Variants in COL27A1 observed in about 807,000 individuals in gnomAD.
COL27A1 encodes collagen type XXVII alpha 1 chain, also known as collagen alpha-1(XXVII) chain.
COL27A1 carries 106 observed loss-of-function variants against 251.3 expected under a neutral mutation model. The observed-to-expected ratio is 0.42, with a 90% confidence interval of 0.36 to 0.50. The LOEUF (loss-of-function observed/expected upper bound fraction) is 0.50, where lower values mean the gene tolerates loss of function less well. Among genes scored for constraint, COL27A1 ranks in the 20% least tolerant of loss-of-function variants. COL27A1 has a pLI of 0.00. For missense variants in COL27A1, 2,325 were observed against 2,522.8 expected (o/e 0.92, Z 1.68); for synonymous variants, 1,000 against 986.3 (o/e 1.01, Z -0.26).
intron 40 of COL27A1, among the ~76,000 whole-genome samples, chr9:114,284,048 C>T (rs1371404708): frequency 1.3e-5 from 2 of 152,178 alleles, no homozygotes; most frequent in African/African-American, 4.8e-5. Flanking sequence ...GCCTTGTCTG[C>T]TGTCTGGGGA....
chr9:114,275,988 T>C (rs1835479040), intron 37 of COL27A1, among the ~76,000 whole-genome samples: 1 of 152,214 alleles, frequency 6.6e-6, no homozygotes, highest in Non-Finnish European at 1.5e-5. Flanking sequence ...TGCCCTGCCC[T>C]GTGCAAACCT....
intron 1 of COL27A1, among the ~76,000 whole-genome samples, chr9:114,159,850 T>C (rs1293630169): frequency 4.6e-5 from 7 of 152,232 alleles, no homozygotes; most frequent in Non-Finnish European, 1.0e-4. Context: ...TTTGTGTAAT[T>C]AAACAAAGCT....
At position 114,240,383 on chromosome 9, in the gene COL27A1, G is replaced by A. The variant is rs560830297; in HGVS notation, c.2782-51G>A. The stretch of plus-strand genomic sequence containing the variant: ...AGGGGTTGCCTTGCCAGCCTGCGAT[G>A]GAGATGGAGGTACCGCCTCTGAGAC... On this transcript the variant is annotated intron_variant, in intron 20 of 60. Transcript: ENST00000356083. The A allele has an allele frequency of 2.5e-6, 4 of 1,602,028 alleles. No homozygotes were observed. In the African/African-American group the frequency reaches 5.3e-5, roughly 21 times the overall value.
chr9:114,171,402 G>C (rs1030224146), intron 3 of COL27A1, among the ~76,000 whole-genome samples: 1 of 152,116 alleles, frequency 6.6e-6, no homozygotes, highest in African/African-American at 2.4e-5. Context: ...GGGACTGGGG[G>C]CTTCAGACAG....
chr9:114,264,264 GC>G, intron 28 of COL27A1, 90 bp from the exon 29 acceptor site: 4 of 990,890 alleles, frequency 4.0e-6, no homozygotes, highest in Non-Finnish European at 2.9e-6. Context: ...GCAGGGGAAG[GC>G]CCCAGGCTTG....
At chr9:114,306,733 A>C (rs1418926088) in intron 58 of COL27A1, 45 bp downstream of exon 58, 2 of 1,597,400 alleles carry the variant, frequency 1.3e-6, no homozygotes, top group Non-Finnish European at 1.7e-6. Context: ...GGCGGTGGGG[A>C]GCTGGGGCAG....
At chr9:114,240,794 T>C (rs1272864068) in intron 21 of COL27A1, among the ~76,000 whole-genome samples, 1 of 152,096 alleles carries the variant, frequency 6.6e-6, no homozygotes, top group Non-Finnish European at 1.5e-5. Flanking sequence ...GTGGTAGCAG[T>C]TTATCAGGGC....
intron 27 of COL27A1, among the ~76,000 whole-genome samples, chr9:114,255,413 G>A (rs1056145643): frequency 7.2e-5 from 11 of 152,162 alleles, no homozygotes; most frequent in South Asian, 2.1e-4. Context: ...TTCTATCCCT[G>A]GCACCCCTGC....
chr9:114,264,977 G>A lies in COL27A1; in HGVS notation c.3294+9G>A. 1 of 1,612,994 alleles carries A rather than the reference G, an allele frequency of 6.2e-7. No individual in the cohort carries two copies. On this transcript the variant is annotated intron_variant, in intron 30 of 60. Transcript: ENST00000356083. ...GCCGGCCTGGACAGCAGGTATGTCA[G>A]GCCAAGGCCAAGCAGGCCAGCTGCA...
rs1323994865 is a variant in COL27A1, at chr9:114,280,993, C to T, written c.3718-1284C>T. 2.0e-5 allele frequency among the ~76,000 whole-genome samples: 3 copies of T among 152,174 alleles called. No individual in the cohort carries two copies. In the East Asian group the frequency reaches 5.8e-4, roughly 29 times the overall value. ...GTCCTCTGGGTTGGTCCAGATGTTT[C>T]CTTGTTCCTCTAGGACCTCCTCTTC... is the stretch of plus-strand genomic sequence containing the variant. On this transcript the variant is annotated intron_variant, in intron 37 of 60. Coordinates refer to ENST00000356083, the MANE Select transcript of COL27A1 (RefSeq NM_032888.4).
At position 114,238,798 on chromosome 9, in the gene COL27A1, T is replaced by G. The variant is rs1689938310; in HGVS notation, c.2727+1083T>G. ...TGCTCCCTCACATTTATTAGGCACC[T>G]CCTGGTGCCAGGAGGCTGTGCAGTG... On this transcript the variant is annotated intron_variant, in intron 19 of 60. Transcript: ENST00000356083. Among the ~76,000 whole-genome samples the G allele has an allele frequency of 8.5e-5, 13 of 152,248 alleles. No homozygotes were observed. In the South Asian group the frequency reaches 2.7e-3, roughly 32 times the overall value.
chr9:114,203,352 C>T (rs896555846), intron 7 of COL27A1, among the ~76,000 whole-genome samples: 3 of 152,196 alleles, frequency 2.0e-5, no homozygotes, highest in Non-Finnish European at 2.9e-5. Context: ...GCTTTACACA[C>T]TTTCTATCCT....
At chr9:114,198,604 C>T (rs1201617162) in intron 7 of COL27A1, among the ~76,000 whole-genome samples, 1 of 152,196 alleles carries the variant, frequency 6.6e-6, no homozygotes, top group Non-Finnish European at 1.5e-5. Context: ...GATTCGAACC[C>T]AGGTCTTCTG....
At chr9:114,164,127 T>C (rs1012922461) in intron 2 of COL27A1, among the ~76,000 whole-genome samples, 2 of 152,194 alleles carry the variant, frequency 1.3e-5, no homozygotes, top group Admixed American at 6.5e-5. Context: ...TGTGCCTTTT[T>C]TAAGCTGCAA....
intron 3 of COL27A1, among the ~76,000 whole-genome samples, chr9:114,173,182 C>A (rs1316113524): frequency 6.7e-6 from 1 of 149,840 alleles, no homozygotes; most frequent in Non-Finnish European, 1.5e-5. Context: ...CACAGCCCTG[C>A]ACAGAAGCTG....
At chr9:114,175,389 G>A (rs1263390023) in intron 3 of COL27A1, among the ~76,000 whole-genome samples, 2 of 152,266 alleles carry the variant, frequency 1.3e-5, no homozygotes, top group African/African-American at 4.8e-5. Context: ...TTCCACTGCG[G>A]AGAGAACAGG....
chr9:114,252,199 A>T (rs538651306), intron 25 of COL27A1, among the ~76,000 whole-genome samples: 2 of 152,314 alleles, frequency 1.3e-5, no homozygotes, highest in Admixed American at 1.3e-4. Context: ...GGAGAGTGAA[A>T]GACATGCCTT....
chr9:114,162,912 G>T, intron 2 of COL27A1, 127 bp downstream of exon 2: 1 of 658,044 alleles, frequency 1.5e-6, no homozygotes, highest in South Asian at 1.9e-5. Flanking sequence ...TCAGTAGAAT[G>T]GAGATGATAA....
At chr9:114,214,041 CT>C (rs1391873322) in intron 12 of COL27A1, among the ~76,000 whole-genome samples, 1 of 152,194 alleles carries the variant, frequency 6.6e-6, no homozygotes, top group Non-Finnish European at 1.5e-5. Context: ...TCGGCGAGAT[CT>C]GCATCAGATA....
Sources: allele counts gnomAD v4.1 joint callset (sites outside exome capture counted in the v4.1 genomes callset), GRCh38; gene constraint gnomAD v4.1.1; transcripts MANE v1.5; gene names NCBI Gene and HGNC (gene_info 2026-07-23, HGNC 2026-07-21).